C19orf47: variants seen among roughly 807,000 people sequenced by gnomAD.
C19orf47 encodes uncharacterized protein C19orf47.
C19orf47 carries 18 observed loss-of-function variants against 32.3 expected under a neutral mutation model. That is an observed-to-expected ratio of 0.56 (90% CI 0.39 to 0.83). C19orf47 has a LOEUF of 0.83. Ranked by LOEUF, C19orf47 falls within the 40% of genes least tolerant of loss-of-function variation. The pLI is 0.00. For missense variants in C19orf47, 484 were observed against 531.6 expected (o/e 0.91, Z 0.88); for synonymous variants, 202 against 211.1 (o/e 0.96, Z 0.37).
At chr19:40,326,602 T>G in intron 6 of C19orf47, 116 bp from the exon 7 acceptor site, 1 of 1,267,660 alleles carries the variant, frequency 7.9e-7, no homozygotes, top group Non-Finnish European at 1.1e-6. Context: ...ATCCCTTACC[T>G]TCCCAACCAC....
chr19:40,317,302 A>T (rs182664798), downstream of C19orf47, among the ~76,000 whole-genome samples: 302 of 152,242 alleles, frequency 2.0e-3, no homozygotes, highest in African/African-American at 6.4e-3. Flanking sequence ...ATGCTCAAAA[A>T]TGCCTAACAG....
intron 2 of C19orf47, chr19:40,338,981 G>A (rs781546369): frequency 1.3e-5 from 2 of 152,232 alleles, no homozygotes; most frequent in Admixed American, 6.5e-5. Context: ...CTGTTATTAA[G>A]GGGAGAAAAA....
At chr19:40,347,073 C>T (rs2078313513) in intron 1 of C19orf47, among the ~76,000 whole-genome samples, 1 of 152,098 alleles carries the variant, frequency 6.6e-6, no homozygotes. Context: ...GGGAATCACA[C>T]AGTACAGGTT....
At chr19:40,295,510 C>T in the C19orf47 span, among the ~76,000 whole-genome samples, 5 of 152,070 alleles carry the variant, frequency 3.3e-5, no homozygotes, top group Admixed American at 6.6e-5. Flanking sequence ...TCTCAGCTCA[C>T]TGCAACCTCC....
At chr19:40,306,676 TA>T in the C19orf47 span, among the ~76,000 whole-genome samples, 4 of 152,198 alleles carry the variant, frequency 2.6e-5, no homozygotes, top group South Asian at 8.3e-4. Flanking sequence ...GTGCTGGGAT[TA>T]CAGGTGTGAG....
intron 2 of C19orf47, among the ~76,000 whole-genome samples, chr19:40,337,330 T>G (rs1178187069): frequency 6.7e-6 from 1 of 150,182 alleles, no homozygotes; most frequent in African/African-American, 2.4e-5. Flanking sequence ...TTACTATTAC[T>G]CCCATCACCA....
intron 5 of C19orf47, among the ~76,000 whole-genome samples, chr19:40,329,867 G>A (rs936037378): frequency 1.3e-5 from 2 of 152,156 alleles, no homozygotes. Flanking sequence ...AGGATTTTCT[G>A]CTATAAAAGG....
At chr19:40,310,671 A>AG in the C19orf47 span, among the ~76,000 whole-genome samples, 2 of 152,236 alleles carry the variant, frequency 1.3e-5, no homozygotes, top group African/African-American at 2.4e-5. Flanking sequence ...TACTAATATA[A>AG]AACAATCTCC....
At chr19:40,293,437 T>C in the C19orf47 span, among the ~76,000 whole-genome samples, 4 of 151,400 alleles carry the variant, frequency 2.6e-5, no homozygotes, top group East Asian at 3.9e-4. Flanking sequence ...TGAGCCACCG[T>C]GCCCAGCAAT....
At chr19:40,318,382 G>A (rs773812574), downstream of C19orf47, among the ~76,000 whole-genome samples, 9 of 152,066 alleles carry the variant, frequency 5.9e-5, no homozygotes, top group African/African-American at 1.9e-4. Context: ...TCTGTAAAGC[G>A]CAACAATAAG....
downstream of C19orf47, among the ~76,000 whole-genome samples, chr19:40,316,286 T>C (rs2077661388): frequency 6.6e-6 from 1 of 152,170 alleles, no homozygotes; most frequent in Non-Finnish European, 1.5e-5. Context: ...GGCTTTAGTA[T>C]CCACTGATGT....
downstream of C19orf47, among the ~76,000 whole-genome samples, chr19:40,317,214 G>A (rs572482957): frequency 1.7e-4 from 26 of 151,976 alleles, no homozygotes; most frequent in African/African-American, 6.3e-4. Context: ...TGGGCTCAAG[G>A]GATCCTCCCA....
the C19orf47 span, among the ~76,000 whole-genome samples, chr19:40,313,109 T>A: frequency 6.6e-6 from 1 of 152,292 alleles, no homozygotes; most frequent in Middle Eastern, 3.4e-3. Context: ...CCTACCAAAC[T>A]ATTTTCCAAG....
intron 1 of C19orf47, among the ~76,000 whole-genome samples, chr19:40,345,255 G>A (rs1192342534): frequency 1.3e-5 from 2 of 152,058 alleles, no homozygotes; most frequent in Non-Finnish European, 2.9e-5. Flanking sequence ...AAAGACAGCA[G>A]CTCCCAAAAC....
chr19:40,341,744 G>T, intron 2 of C19orf47, 95 bp downstream of exon 2: 1 of 1,508,962 alleles, frequency 6.6e-7, no homozygotes, highest in Non-Finnish European at 8.9e-7. Flanking sequence ...CAGTGACCCA[G>T]TCCTCCCTCC....
At chr19:40,339,831 C>CATGGTG (rs2078139512) in intron 2 of C19orf47, among the ~76,000 whole-genome samples, 1 of 151,836 alleles carries the variant, frequency 6.6e-6, no homozygotes, top group African/African-American at 2.4e-5. Context: ...ATTAGCCAGG[C>CATGGTG]ATGGTGGTGC....
the C19orf47 span, among the ~76,000 whole-genome samples, chr19:40,307,766 G>A: frequency 6.6e-6 from 1 of 151,484 alleles, no homozygotes; most frequent in South Asian, 2.1e-4. Context: ...TGGGATAGGT[G>A]CTATTATTAC....
intron 1 of C19orf47, among the ~76,000 whole-genome samples, chr19:40,344,578 C>T (rs1293552351): frequency 6.6e-6 from 1 of 152,184 alleles, no homozygotes; most frequent in South Asian, 2.1e-4. Context: ...ACAAACCAAG[C>T]ACTAACTATG....
the C19orf47 span, among the ~76,000 whole-genome samples, chr19:40,301,475 G>T: frequency 6.6e-6 from 1 of 150,912 alleles, no homozygotes; most frequent in Non-Finnish European, 1.5e-5. Context: ...CCGAGTAGCT[G>T]GGATTACAGG....
Sources: gnomAD v4.1 joint callset for allele counts (sites outside exome capture counted in the v4.1 genomes callset) on GRCh38, gnomAD v4.1.1 for gene constraint, MANE v1.5 for transcripts, NCBI Gene and HGNC (gene_info 2026-07-23, HGNC 2026-07-21) for gene names.